Variants in UGCG observed in about 807,000 individuals in gnomAD.
UGCG encodes UDP-glucose ceramide glucosyltransferase, also known as ceramide glucosyltransferase.
Under a neutral mutation model 49.5 loss-of-function variants are expected in UGCG, and 10 were observed. The ratio of observed to expected loss-of-function variants is 0.20; its 90% CI spans 0.12 to 0.34. UGCG has a LOEUF of 0.34. UGCG is among the 10% of genes least tolerant of loss of function. The probability of loss-of-function intolerance (pLI) is 1.00; values close to 1 mark genes in which losing one functional copy is unlikely to be tolerated. For missense variants in UGCG, 312 were observed against 483.7 expected, an observed-to-expected ratio of 0.65 and a Z score of 3.33; for synonymous variants, 182 against 158.2, an observed-to-expected ratio of 1.15 and a Z score of -1.13.
chr9:111,911,308 CTCT>C (rs937968992), intron 1 of UGCG, among the ~76,000 whole-genome samples: 69 of 152,268 alleles, frequency 4.5e-4, no homozygotes, highest in African/African-American at 1.6e-3. Flanking sequence ...ACCTTAGAGA[CTCT>C]TCTTTATTGT....
intron 2 of UGCG, among the ~76,000 whole-genome samples, chr9:111,918,135 G>C (rs546365894): frequency 6.6e-6 from 1 of 151,896 alleles, no homozygotes; most frequent in African/African-American, 2.4e-5. Context: ...TCCGCCTCCC[G>C]GGTTCAAGCA....
intron 3 of UGCG, among the ~76,000 whole-genome samples, chr9:111,924,531 C>A (rs147181740): frequency 3.9e-5 from 6 of 152,054 alleles, no homozygotes; most frequent in Admixed American, 3.9e-4. Flanking sequence ...ACTACTAAGG[C>A]AAGGACTTAA....
intron 2 of UGCG, among the ~76,000 whole-genome samples, chr9:111,921,830 A>ATTTTTTTTTTT: frequency 8.3e-5 from 1 of 11,988 alleles, no homozygotes; most frequent in African/African-American, 5.7e-4. Context: ...TTTTTTTTTG[A>ATTTTTTTTTTT]GGCAGGGTCT....
rs770813367 is a variant in UGCG, at chr9:111,932,373, C to T, written c.1014+14C>T. ...AGGGGTGTCCAGGTATGTGGATAGG[C>T]ATGAAAAGGTTGGCAGTCCCTTGGT... is the stretch of plus-strand genomic sequence containing the variant. On this transcript the variant is annotated intron_variant, in intron 8 of 8. Coordinates refer to ENST00000374279, the MANE Select transcript of UGCG (RefSeq NM_003358.3). The T allele has an allele frequency of 5.0e-6, 8 of 1,603,328 alleles. No homozygotes were observed. The highest frequency in any genetic ancestry group is 6.8e-6 in the Non-Finnish European group (8 of 1,173,974).
chr9:111,901,082 C>T (rs971173774), intron 1 of UGCG, among the ~76,000 whole-genome samples: 3 of 152,148 alleles, frequency 2.0e-5, no homozygotes. Context: ...TCCTGAAGTT[C>T]TGGGATTACG....
At chr9:111,910,665 T>A (rs757821718) in intron 1 of UGCG, among the ~76,000 whole-genome samples, 1 of 152,210 alleles carries the variant, frequency 6.6e-6, no homozygotes, top group Non-Finnish European at 1.5e-5. Flanking sequence ...TCTCTTGGGT[T>A]TTGTTCAGGT....
chr9:111,906,061 CT>C (rs1837876475), intron 1 of UGCG, among the ~76,000 whole-genome samples: 1 of 152,172 alleles, frequency 6.6e-6, no homozygotes, highest in South Asian at 2.1e-4. Flanking sequence ...ATTTGGTATG[CT>C]TGTGAAAAAT....
At chr9:111,919,794 CA>C (rs61089422) in intron 2 of UGCG, among the ~76,000 whole-genome samples, 7,622 of 76,252 alleles carry the variant, frequency 0.1, 182 homozygotes, top group Middle Eastern at 0.16. Context: ...GACTCCATCT[CA>C]AAAAAAAAAA....
chr9:111,932,550 G>A (rs770651694), intron 8 of UGCG, among the ~76,000 whole-genome samples, 191 bp downstream of exon 8: 24 of 152,116 alleles, frequency 1.6e-4, no homozygotes, highest in Non-Finnish European at 3.1e-4. Context: ...ACTTTCTATT[G>A]GTTATATAAT....
chr9:111,932,041 AC>A, intron 7 of UGCG, 128 bp from the exon 8 acceptor site: 18 of 1,050,592 alleles, frequency 1.7e-5, no homozygotes, highest in South Asian at 5.0e-5. Flanking sequence ...AAAAAACAAA[AC>A]AAAAAAAGTT....
chr9:111,927,742 C>A (rs538396616), intron 5 of UGCG, among the ~76,000 whole-genome samples: 1 of 152,208 alleles, frequency 6.6e-6, no homozygotes, highest in East Asian at 1.9e-4. Context: ...TGAGCCACCA[C>A]GCCCGGCAGG....
intron 3 of UGCG, among the ~76,000 whole-genome samples, chr9:111,923,528 A>G (rs920037512): frequency 3.9e-5 from 6 of 152,220 alleles, no homozygotes; most frequent in Admixed American, 1.3e-4. Flanking sequence ...ATGCCTACGA[A>G]TTAATCAGGA....
chr9:111,903,627 G>T (rs553300990), intron 1 of UGCG, among the ~76,000 whole-genome samples: 1 of 152,036 alleles, frequency 6.6e-6, no homozygotes, highest in African/African-American at 2.4e-5. Context: ...ATAGGGTCTC[G>T]CTCTGTTACC....
chr9:111,906,166 G>A (rs1382100032), intron 1 of UGCG, among the ~76,000 whole-genome samples: 3 of 152,232 alleles, frequency 2.0e-5, no homozygotes, highest in African/African-American at 7.2e-5. Context: ...TGGTCTCCTA[G>A]ATGAGATGTC....
chr9:111,924,110 A>T (rs553108847), intron 3 of UGCG, among the ~76,000 whole-genome samples: 182 of 152,214 alleles, frequency 1.2e-3, no homozygotes, highest in African/African-American at 4.2e-3. Flanking sequence ...CATTTAATAA[A>T]CCTTTATTAA....
intron 1 of UGCG, among the ~76,000 whole-genome samples, chr9:111,908,169 TAACCTC>T: frequency 6.6e-6 from 1 of 152,304 alleles, no homozygotes; most frequent in East Asian, 1.9e-4. Context: ...CTAGTTATAA[TAACCTC>T]AAACTGTAAA....
At position 111,912,677 on chromosome 9, in the gene UGCG, A is replaced by G. The variant is rs574064314; in HGVS notation, c.99-1928A>G. Among the ~76,000 whole-genome samples the G allele has an allele frequency of 9.8e-5, 15 of 152,314 alleles. No homozygotes were observed. The East Asian group carries it at 1.5e-3, about 16-fold the overall frequency. The stretch of plus-strand genomic sequence containing the variant: ...TGATCACATGCTTGATGTCATGGCA[A>G]TGTTAAATTGCTATACAAGTTTCTA... On this transcript the variant is annotated intron_variant, in intron 1 of 8. Coordinates refer to ENST00000374279, the MANE Select transcript of UGCG (RefSeq NM_003358.3).
chr9:111,903,622 G>T (rs146885287), intron 1 of UGCG, among the ~76,000 whole-genome samples: 25 of 152,246 alleles, frequency 1.6e-4, no homozygotes, highest in Middle Eastern at 3.4e-3. Context: ...TTGAGATAGG[G>T]TCTCGCTCTG....
At chr9:111,920,603 G>A (rs13283107) in intron 2 of UGCG, among the ~76,000 whole-genome samples, 51,738 of 152,024 alleles carry the variant, frequency 0.34, 9,192 homozygotes, top group Admixed American at 0.42. Flanking sequence ...GACCTCAGGT[G>A]ATCCACCTGC....
Sources: gnomAD v4.1 joint callset for allele counts (sites outside exome capture counted in the v4.1 genomes callset) on GRCh38, gnomAD v4.1.1 for gene constraint, MANE v1.5 for transcripts, NCBI Gene and HGNC (gene_info 2026-07-23, HGNC 2026-07-21) for gene names.